Variants in FERMT1 observed in about 807,000 individuals in gnomAD.
FERMT1 encodes FERM domain containing kindlin 1, also known as fermitin family homolog 1.
A neutral mutation model predicts 85.3 loss-of-function variants in FERMT1; 60 were observed. That is an observed-to-expected ratio of 0.70 (90% CI 0.57 to 0.87). The LOEUF (loss-of-function observed/expected upper bound fraction) is 0.87, where lower values mean the gene tolerates loss of function less well. Ranked by LOEUF, FERMT1 falls within the 40% of genes least tolerant of loss-of-function variation. FERMT1 has a pLI of 0.00. For synonymous variants in FERMT1, 275 were observed against 301.1 expected (o/e 0.91, Z 0.90); for missense variants, 701 against 818.9 (o/e 0.86, Z 1.76).
chr20:6,116,745 G>T (rs1246656215), intron 2 of FERMT1, among the ~76,000 whole-genome samples: 1 of 125,324 alleles, frequency 8.0e-6, no homozygotes, highest in Non-Finnish European at 1.8e-5. Flanking sequence ...AAAAAAAATG[G>T]AAAATAGGGA....
intron 9 of FERMT1, 71 bp from the exon 10 acceptor site, chr20:6,089,160 A>G (rs1600431040): frequency 1.4e-6 from 2 of 1,430,866 alleles, no homozygotes; most frequent in South Asian, 1.2e-5. Flanking sequence ...GATTTCAAGC[A>G]GATCAGATCA....
intron 11 of FERMT1, among the ~76,000 whole-genome samples, chr20:6,085,818 G>A (rs1184792220): frequency 6.7e-6 from 1 of 149,442 alleles, no homozygotes; most frequent in African/African-American, 2.5e-5. Context: ...AAACGCACTC[G>A]AGCCTGGGCG....
At chr20:6,089,994 G>A (rs373165036) in intron 9 of FERMT1, among the ~76,000 whole-genome samples, 2 of 152,150 alleles carry the variant, frequency 1.3e-5, no homozygotes, top group African/African-American at 2.4e-5. Flanking sequence ...CCAGAGGGGC[G>A]GACTTCTGCA....
chr20:6,102,110 C>G (rs940564671), intron 6 of FERMT1, among the ~76,000 whole-genome samples: 12 of 150,554 alleles, frequency 8.0e-5, no homozygotes, highest in African/African-American at 1.8e-4. Flanking sequence ...TCACTGCAGC[C>G]TCGAACTCCT....
chr20:6,091,741 TTCC>T (rs1982375142), intron 9 of FERMT1, among the ~76,000 whole-genome samples: 1 of 152,156 alleles, frequency 6.6e-6, no homozygotes, highest in African/African-American at 2.4e-5. Flanking sequence ...AGATCTCAAG[TTCC>T]TCCTCCTATC....
chr20:6,106,981 A>G (rs1982812600), intron 6 of FERMT1, among the ~76,000 whole-genome samples: 2 of 152,222 alleles, frequency 1.3e-5, no homozygotes, highest in Admixed American at 6.5e-5. Context: ...GAGGATCATG[A>G]GGTCAGTAGT....
rs189038362 is a variant in FERMT1 at position 6,106,511 on chromosome 20, G to A, written c.849+1021C>T. 2.9e-3 allele frequency among the ~76,000 whole-genome samples: 436 copies of A among 152,264 alleles called. 2 individuals are homozygous for A. Among genetic ancestry groups the A allele is most frequent in the Non-Finnish European group, 5.5e-3 (371 of 68,016 alleles). ...AGCAACAGGCACAAAACAGTGATGG[G>A]AGCATGCAACACAGTGACCCTGCGC... On this transcript the variant is annotated intron_variant, in intron 6 of 14. Coordinates refer to ENST00000217289, the MANE Select transcript of FERMT1 (RefSeq NM_017671.5).
Position 6,110,232 on chromosome 20 carries a change from G to A in FERMT1, c.746+66C>T, listed in dbSNP as rs11087716. The A allele has an allele frequency of 0.094, 126,566 of 1,344,120 alleles. 6,293 individuals carry two copies. The highest frequency in any genetic ancestry group is 0.13 in the African/African-American group (9,402 of 69,676). 83.3% of individuals were successfully genotyped at this position (1,344,120 alleles called of 1,614,324 possible). Reference sequence around the variant, plus strand: ...AGGCCTACCAACTTGAAAATGAAACGTGACATCCCATCTCTTACTGTGTCG... The same window carrying A: ...AGGCCTACCAACTTGAAAATGAAACATGACATCCCATCTCTTACTGTGTCG... On this transcript the variant is annotated intron_variant, in intron 5 of 14. Coordinates refer to ENST00000217289, the MANE Select transcript of FERMT1 (RefSeq NM_017671.5).
chr20:6,100,657 A>G (rs1982637742), intron 6 of FERMT1, among the ~76,000 whole-genome samples: 1 of 152,206 alleles, frequency 6.6e-6, no homozygotes, highest in South Asian at 2.1e-4. Flanking sequence ...AACCATGACT[A>G]TTATTAGATG....
chr20:6,114,397 C>G (rs1983043145), intron 3 of FERMT1, among the ~76,000 whole-genome samples: 1 of 152,192 alleles, frequency 6.6e-6, no homozygotes, highest in African/African-American at 2.4e-5. Flanking sequence ...CCACGCTGAG[C>G]CTTTAAAACT....
At chr20:6,084,281 A>G (rs1293107470) in intron 12 of FERMT1, 117 bp from the exon 13 acceptor site, 8 of 1,096,104 alleles carry the variant, frequency 7.3e-6, no homozygotes, top group African/African-American at 1.6e-5. Context: ...CAGCTCTACA[A>G]AGACAATCCA....
At chr20:6,096,782 C>CTTTTTT in intron 8 of FERMT1, 120 bp downstream of exon 8, 4 of 533,676 alleles carry the variant, frequency 7.5e-6, no homozygotes, top group South Asian at 1.8e-5. Flanking sequence ...TGAAGAGCAT[C>CTTTTTT]TTTTTTTTTT....
rs1981828200 is a variant in FERMT1 at position 6,076,595 on chromosome 20, G to A, written c.*578C>T. 9.5e-6 allele frequency: 4 copies of A among 419,250 alleles called. No individual in the cohort carries two copies. Among genetic ancestry groups the A allele is most frequent in the South Asian group, 6.9e-5 (4 of 57,788 alleles). 26.0% of individuals were successfully genotyped at this position (419,250 alleles called of 1,614,324 possible). ...ACTGAGGGCCACTCCTCTGACCTTG[G>A]GTTGTCAACTGCTACCTGGTAGCCC... On this transcript the variant is annotated 3_prime_UTR_variant, in exon 15 of 15. Transcript: ENST00000217289.
At chr20:6,119,711 T>C (rs1983215189) in intron 1 of FERMT1, 139 bp from the exon 2 acceptor site, 1 of 660,730 alleles carries the variant, frequency 1.5e-6, no homozygotes, top group Non-Finnish European at 2.5e-6. Context: ...AGGTTCCAGG[T>C]GCTCCAGATA....
chr20:6,089,100 A>G lies in FERMT1; in HGVS notation c.1140-11T>C, dbSNP rs1982275293. On this transcript the variant is annotated splice_polypyrimidine_tract_variant and intron_variant, in intron 9 of 14. Coordinates refer to ENST00000217289, the MANE Select transcript of FERMT1 (RefSeq NM_017671.5). ...AGTAACTTCTTGGGCCTGCAAATTC[A>G]AAGATAGTGAATGTTTAAACCACCA... 1.2e-6 allele frequency: 2 copies of G among 1,609,818 alleles called. No homozygotes were observed. Among genetic ancestry groups the G allele is most frequent in the Non-Finnish European group, 1.7e-6 (2 of 1,177,166 alleles).
chr20:6,084,098 G>T lies in FERMT1; in HGVS notation c.1660C>A (p.Arg554=). The T allele has an allele frequency of 1.9e-6, 3 of 1,613,930 alleles. No homozygotes were observed. Among genetic ancestry groups the T allele is most frequent in the Non-Finnish European group, 2.5e-6 (3 of 1,179,946 alleles). The change falls in exon 13 of 15, where the codon CGG becomes AGG. Residue 554 remains arginine, a synonymous_variant. Transcript: ENST00000217289. ...AQMPLVEAKL[R]FIQAWQSLPE... is the part of the protein sequence containing the mutation. ...AGTGACTGCCACGCCTGGATGAACC[G>T]CAGCTTGGCTTCGACCAGGGGCATC...
At chr20:6,116,107 C>A in intron 2 of FERMT1, 63 bp from the exon 3 acceptor site, 1 of 1,136,558 alleles carries the variant, frequency 8.8e-7, no homozygotes, top group South Asian at 1.3e-5. Flanking sequence ...GGTCCTGGAG[C>A]TGCAGAGTCA....
At chr20:6,093,229 C>A (rs917257343) in intron 9 of FERMT1, among the ~76,000 whole-genome samples, 1 of 152,074 alleles carries the variant, frequency 6.6e-6, no homozygotes, top group African/African-American at 2.4e-5. Flanking sequence ...CTCGAATCTC[C>A]CTCCCCTCTT....
At chr20:6,078,938 C>T (rs1485938923) in intron 14 of FERMT1, among the ~76,000 whole-genome samples, 3 of 152,152 alleles carry the variant, frequency 2.0e-5, no homozygotes, top group Non-Finnish European at 4.4e-5. Flanking sequence ...TCAGTCATCA[C>T]TATGGACCTC....
Sources: gnomAD v4.1 joint callset for allele counts (sites outside exome capture counted in the v4.1 genomes callset) on GRCh38, gnomAD v4.1.1 for gene constraint, MANE v1.5 for transcripts, NCBI Gene and HGNC (gene_info 2026-07-23, HGNC 2026-07-21) for gene names.